Variants in EYS observed in about 807,000 individuals in gnomAD.
The protein encoded by EYS is protein eyes shut homolog.
A neutral mutation model predicts 282.1 loss-of-function variants in EYS; 250 were observed. That is an observed-to-expected ratio of 0.89 (90% CI 0.80 to 0.98). EYS has a LOEUF of 0.98. Among genes scored for constraint, EYS ranks in the 50% least tolerant of loss-of-function variants. The pLI, the probability that EYS is intolerant of heterozygous loss-of-function variation, is 0.00. For missense variants in EYS, 4,016 were observed against 3,709.0 expected (o/e 1.08, Z -2.15); for synonymous variants, 1,355 against 1,282.9 (o/e 1.06, Z -1.20).
rs1319826230 is a variant in EYS, at chr6:64,953,065, C to T, written c.2260-7151G>A. Among the ~76,000 whole-genome samples the T allele has an allele frequency of 1.3e-5, 2 of 151,710 alleles. 1 individual carries two copies. The highest frequency in any genetic ancestry group is 2.9e-5 in the Non-Finnish European group (2 of 67,808). On this transcript the variant is annotated intron_variant, in intron 14 of 42. Coordinates refer to ENST00000503581, the MANE Select transcript of EYS (RefSeq NM_001142800.2). ...AGAAAAAGACTTTTTTAAAAGAATTCATTTAAATAATTATTTCATTACAAT... is the reference window on the plus strand; with the variant it reads ...AGAAAAAGACTTTTTTAAAAGAATTTATTTAAATAATTATTTCATTACAAT...
chr6:64,725,174 A>G (rs188427826), intron 22 of EYS, among the ~76,000 whole-genome samples: 1 of 152,298 alleles, frequency 6.6e-6, no homozygotes, highest in African/African-American at 2.4e-5. Context: ...TGCTTGTAAT[A>G]TGTAGGATAT....
intron 13 of EYS, among the ~76,000 whole-genome samples, chr6:65,036,617 C>T (rs1772779269): frequency 6.8e-6 from 1 of 146,762 alleles, no homozygotes; most frequent in Admixed American, 6.8e-5. Flanking sequence ...AATTAGTAAG[C>T]CAAAAAAAAA....
chr6:63,940,671 GT>G (rs965162608), intron 35 of EYS, among the ~76,000 whole-genome samples: 188 of 148,984 alleles, frequency 1.3e-3, no homozygotes, highest in Middle Eastern at 6.8e-3. Flanking sequence ...GCCTGAATAC[GT>G]TTTTTTTTCC....
At chr6:63,839,088 C>T (rs989423603) in intron 36 of EYS, among the ~76,000 whole-genome samples, 4 of 152,092 alleles carry the variant, frequency 2.6e-5, no homozygotes, top group Admixed American at 6.6e-5. Flanking sequence ...TCTCCTCTAG[C>T]TTTTTGAAAA....
At chr6:64,512,323 G>A (rs2150520072) in intron 26 of EYS, among the ~76,000 whole-genome samples, 1 of 152,166 alleles carries the variant, frequency 6.6e-6, no homozygotes, top group South Asian at 2.1e-4. Flanking sequence ...AGAGACAGGA[G>A]GAGATGTGGA....
intron 28 of EYS, among the ~76,000 whole-genome samples, chr6:64,396,011 A>G (rs2150432594): frequency 6.6e-6 from 1 of 152,090 alleles, no homozygotes; most frequent in Non-Finnish European, 1.5e-5. Context: ...CCAGGACAAA[A>G]GGCACAAAAT....
At chr6:63,747,016 T>C (rs1769225725) in intron 41 of EYS, among the ~76,000 whole-genome samples, 1 of 152,214 alleles carries the variant, frequency 6.6e-6, no homozygotes, top group South Asian at 2.1e-4. Context: ...TTCTTTTAAT[T>C]GTGATGTTCG....
intron 26 of EYS, among the ~76,000 whole-genome samples, chr6:64,544,675 A>G (rs1045586699): frequency 3.3e-5 from 5 of 152,224 alleles, no homozygotes; most frequent in African/African-American, 7.2e-5. Flanking sequence ...ACAATAAAAA[A>G]TGATAAAGGG....
intron 31 of EYS, among the ~76,000 whole-genome samples, chr6:64,140,782 T>C (rs1450168128): frequency 6.6e-6 from 1 of 152,160 alleles, no homozygotes; most frequent in Non-Finnish European, 1.5e-5. Flanking sequence ...TCCTCTACTG[T>C]TAGGCTCGGC....
intron 26 of EYS, among the ~76,000 whole-genome samples, chr6:64,490,504 T>C (rs1311763780): frequency 6.6e-6 from 1 of 150,854 alleles, no homozygotes; most frequent in East Asian, 1.9e-4. Flanking sequence ...ATATTTATGC[T>C]TTTAATTTAT....
intron 12 of EYS, among the ~76,000 whole-genome samples, chr6:65,071,384 T>A (rs1773898405): frequency 6.6e-6 from 1 of 151,834 alleles, no homozygotes; most frequent in African/African-American, 2.4e-5. Flanking sequence ...TTGGCATATA[T>A]CTAAACAATC....
At chr6:64,197,349 G>A (rs1408151169) in intron 31 of EYS, among the ~76,000 whole-genome samples, 1 of 152,088 alleles carries the variant, frequency 6.6e-6, no homozygotes, top group Non-Finnish European at 1.5e-5. Context: ...CTGTAGATGG[G>A]TAAATCTATT....
rs538513187 is a variant in EYS at position 65,679,890 on chromosome 6, T to C, written c.-448+27245A>G. Among the ~76,000 whole-genome samples the C allele has an allele frequency of 1.8e-4, 27 of 152,042 alleles. 1 individual carries two copies. The South Asian group carries it at 2.5e-3, about 14-fold the overall frequency. On this transcript the variant is annotated intron_variant, in intron 1 of 42. Coordinates refer to ENST00000503581, the MANE Select transcript of EYS (RefSeq NM_001142800.2). ...TACCAATTTCTCACAAAGTGTGGTC[T>C]GCAATAGCCTTCAGTCAGAATAAAA...
At chr6:64,501,105 A>G (rs1237180067) in intron 26 of EYS, among the ~76,000 whole-genome samples, 2 of 112,242 alleles carry the variant, frequency 1.8e-5, no homozygotes, top group Non-Finnish European at 3.9e-5. Context: ...TTAACTTTTT[A>G]TTTACTAATT....
At chr6:65,470,268 C>T (rs1165024550) in intron 5 of EYS, among the ~76,000 whole-genome samples, 2 of 152,058 alleles carry the variant, frequency 1.3e-5, no homozygotes, top group Non-Finnish European at 2.9e-5. Context: ...GCTTTCTTTT[C>T]TCTAATTAAT....
intron 28 of EYS, among the ~76,000 whole-genome samples, chr6:64,421,858 GGGGTGTGTGT>G (rs1401986225): frequency 3.7e-3 from 195 of 52,760 alleles, no homozygotes; most frequent in African/African-American, 8.3e-3. Flanking sequence ...TTTTGTTTGG[GGGGTGTGTGT>G]GTGTGTGTGT....
chr6:63,887,593 G>A (rs1773296660), intron 35 of EYS, among the ~76,000 whole-genome samples: 1 of 152,128 alleles, frequency 6.6e-6, no homozygotes, highest in African/African-American at 2.4e-5. Flanking sequence ...AAGCCCTGAG[G>A]GACTGTGCCA....
chr6:64,396,607 T>C (rs1343559027), intron 28 of EYS, among the ~76,000 whole-genome samples: 5 of 152,104 alleles, frequency 3.3e-5, no homozygotes, highest in Non-Finnish European at 5.9e-5. Flanking sequence ...TAGTCCCAAG[T>C]ATGTATCAGT....
intron 35 of EYS, among the ~76,000 whole-genome samples, chr6:63,963,956 T>C (rs936764198): frequency 6.6e-6 from 1 of 152,198 alleles, no homozygotes; most frequent in African/African-American, 2.4e-5. Flanking sequence ...CTTCCATCTG[T>C]AGGTGGCAGT....
Sources: gnomAD v4.1 joint callset for allele counts (sites outside exome capture counted in the v4.1 genomes callset) on GRCh38, gnomAD v4.1.1 for gene constraint, MANE v1.5 for transcripts, NCBI Gene and HGNC (gene_info 2026-07-23, HGNC 2026-07-21) for gene names.